Variants in KLF9 observed in about 807,000 individuals in gnomAD.
KLF9 encodes the protein KLF transcription factor 9, also known as Krueppel-like factor 9.
A neutral mutation model predicts 17.3 loss-of-function variants in KLF9; 2 were observed. The ratio of observed to expected loss-of-function variants is 0.12; its 90% confidence interval spans 0.05 to 0.36. The LOEUF is 0.36. KLF9 is among the 10% of genes least tolerant of loss of function. The pLI, the probability that KLF9 is intolerant of heterozygous loss-of-function variation, is 1.00. For synonymous variants in KLF9, 138 were observed against 139.2 expected (o/e 0.99, Z 0.06); for missense variants, 226 against 333.2 (o/e 0.68, Z 2.51).
intron 1 of KLF9, among the ~76,000 whole-genome samples, chr9:70,393,536 T>C (rs751359939): frequency 2.0e-5 from 3 of 152,164 alleles, no homozygotes; most frequent in Admixed American, 6.5e-5. Context: ...TCCTACCTGG[T>C]TCTTCTCATC....
At chr9:70,407,048 T>C (rs761810493) in intron 1 of KLF9, among the ~76,000 whole-genome samples, 6 of 151,926 alleles carry the variant, frequency 3.9e-5, no homozygotes, top group South Asian at 2.1e-4. Flanking sequence ...CTAGAGCATG[T>C]CAGATTGTTT....
chr9:70,398,344 G>A (rs768362089), intron 1 of KLF9, among the ~76,000 whole-genome samples: 14 of 152,146 alleles, frequency 9.2e-5, no homozygotes, highest in Non-Finnish European at 1.8e-4. Flanking sequence ...TCTGACATCT[G>A]TATGCAGCAC....
At chr9:70,394,121 C>A (rs181295895) in intron 1 of KLF9, among the ~76,000 whole-genome samples, 44 of 151,728 alleles carry the variant, frequency 2.9e-4, no homozygotes, top group African/African-American at 1.1e-3. Context: ...TGGTAGCTCA[C>A]GCCTGTAATC....
At chr9:70,388,152 G>A in intron 1 of KLF9, 147 bp from the exon 2 acceptor site, 1 of 681,708 alleles carries the variant, frequency 1.5e-6, no homozygotes, top group Non-Finnish European at 2.5e-6. Context: ...TCCCTATGTT[G>A]AAGCCTTAAC....
At chr9:70,410,825 C>A (rs1435182743) in intron 1 of KLF9, among the ~76,000 whole-genome samples, 3 of 152,200 alleles carry the variant, frequency 2.0e-5, no homozygotes, top group African/African-American at 4.8e-5. Context: ...TTTAAAGTAA[C>A]CTTAACACAT....
intron 1 of KLF9, among the ~76,000 whole-genome samples, chr9:70,390,376 G>A (rs1457362759): frequency 1.3e-5 from 2 of 152,100 alleles, no homozygotes; most frequent in Non-Finnish European, 1.5e-5. Flanking sequence ...TTTGATGCTC[G>A]GGGATGGGGC....
At position 70,409,198 on chromosome 9, in the gene KLF9, A is replaced by ATATATGTG. The variant is rs1205418073; in HGVS notation, c.505+3660_505+3661insCACATATA. On this transcript the variant is annotated intron_variant, in intron 1 of 1. Transcript: ENST00000377126. ...TATATATGTATACATATACATGTATATGTATATATATATACATATATGTAT... is the reference window on the plus strand; with the variant it reads ...TATATATGTATACATATACATGTATATATATGTGTGTATATATATATACATATATGTAT... 5.0e-3 allele frequency among the ~76,000 whole-genome samples: 258 copies of ATATATGTG among 51,502 alleles called. 46 individuals carry two copies. The highest frequency in any genetic ancestry group is 0.011 in the Middle Eastern group (1 of 88). 33.8% of individuals were successfully genotyped at this position (51,502 alleles called of 152,430 possible). A position where few individuals can be genotyped will look rare whatever the true frequency, so the allele number is the denominator to read the frequency against.
Position 70,413,485 on chromosome 9 carries a change from A to AG in KLF9, c.-123dup. The AG allele has an allele frequency of 9.1e-7, 1 of 1,096,876 alleles. No homozygotes were observed. Among genetic ancestry groups the AG allele is most frequent in the East Asian group, 3.6e-5 (1 of 27,638 alleles). 67.9% of individuals were successfully genotyped at this position (1,096,876 alleles called of 1,614,324 possible). A position where few individuals can be genotyped will look rare whatever the true frequency, so the allele number is the denominator to read the frequency against. ...GCGGCGCGGCACGGCGCGGCGGCCA[A>AG]GGGGGCGGGGGCGCGGGGCGCTTCC... On this transcript the variant is annotated 5_prime_UTR_variant, in exon 1 of 2. Transcript: ENST00000377126. This position sits in a 1 kb window ranked among gnomAD's most constrained non-coding sequence, Gnocchi z 5.6.
At chr9:70,397,294 G>C (rs2037187370) in intron 1 of KLF9, among the ~76,000 whole-genome samples, 1 of 152,014 alleles carries the variant, frequency 6.6e-6, no homozygotes, top group South Asian at 2.1e-4. Context: ...GGCCAACATG[G>C]TGAAACCCTG....
At chr9:70,396,939 A>T (rs910202072) in intron 1 of KLF9, among the ~76,000 whole-genome samples, 1 of 151,312 alleles carries the variant, frequency 6.6e-6, no homozygotes, top group African/African-American at 2.4e-5. Context: ...AGCACTTTGG[A>T]AGGCTGAGGA....
intron 1 of KLF9, among the ~76,000 whole-genome samples, chr9:70,400,480 G>C (rs1282355656): frequency 6.6e-6 from 1 of 152,178 alleles, no homozygotes; most frequent in Non-Finnish European, 1.5e-5. Flanking sequence ...CCGAATTAGA[G>C]AGAGAACCCT....
chr9:70,406,953 A>G (rs2037260211), intron 1 of KLF9, among the ~76,000 whole-genome samples: 1 of 151,804 alleles, frequency 6.6e-6, no homozygotes, highest in Non-Finnish European at 1.5e-5. Context: ...CAAATGCGAC[A>G]AAGCTTTTTT....
At chr9:70,398,001 A>G (rs2037193948) in intron 1 of KLF9, among the ~76,000 whole-genome samples, 1 of 152,204 alleles carries the variant, frequency 6.6e-6, no homozygotes, top group Non-Finnish European at 1.5e-5. Flanking sequence ...CATCATTTCA[A>G]TGAACACTGA....
At chr9:70,388,385 C>T (rs1458610389) in intron 1 of KLF9, among the ~76,000 whole-genome samples, 10 of 152,204 alleles carry the variant, frequency 6.6e-5, no homozygotes, top group East Asian at 1.9e-4. Context: ...GAACCCGTCC[C>T]CTGCCTCTAC....
At position 70,413,489 on chromosome 9, in the gene KLF9, G is replaced by GGCGGGGGC; in HGVS notation, c.-134_-127dup. The GGCGGGGGC allele has an allele frequency of 1.9e-6, 2 of 1,064,202 alleles. No individual in the cohort carries two copies. The highest frequency in any genetic ancestry group is 9.1e-5 in the Admixed American group (2 of 22,066). The allele number at this position is 1,064,202 out of a possible 1,614,324, so 65.9% of individuals were successfully genotyped here. ...CGCGGCACGGCGCGGCGGCCAAGGG[G>GGCGGGGGC]GCGGGGGCGCGGGGCGCTTCCGACT... is the stretch of plus-strand genomic sequence containing the variant. On this transcript the variant is annotated 5_prime_UTR_variant, in exon 1 of 2. Transcript: ENST00000377126. This position sits in a 1 kb window ranked among gnomAD's most constrained non-coding sequence, Gnocchi z 5.6.
chr9:70,397,893 A>T, intron 1 of KLF9, among the ~76,000 whole-genome samples: 1 of 152,232 alleles, frequency 6.6e-6, no homozygotes, highest in South Asian at 2.1e-4. Context: ...CTTTTTTCCC[A>T]TTCTCCATTA....
At chr9:70,401,653 C>T (rs1158057305) in intron 1 of KLF9, among the ~76,000 whole-genome samples, 1 of 127,998 alleles carries the variant, frequency 7.8e-6, no homozygotes, top group African/African-American at 3.1e-5. Flanking sequence ...CACCACTGCA[C>T]TCTAGTCTGG....
In KLF9 at chr9:70,387,373, T is replaced by C. The variant is rs2037119759; in HGVS notation, c.*403A>G. ...CAGGTCAACTCACCCAGCGGACATATGTACACCAGTGTTGAATCTTTAAAA... is the reference window on the plus strand; with the variant it reads ...CAGGTCAACTCACCCAGCGGACATACGTACACCAGTGTTGAATCTTTAAAA... On this transcript the variant is annotated 3_prime_UTR_variant, in exon 2 of 2. Coordinates refer to ENST00000377126, the MANE Select transcript of KLF9 (RefSeq NM_001206.4). 3 of 233,670 alleles carry C rather than the reference T, an allele frequency of 1.3e-5. No individual in the cohort carries two copies. The highest frequency in any genetic ancestry group is 6.4e-5 in the South Asian group (1 of 15,716). The allele number at this position is 233,670 out of a possible 1,614,324, so 14.5% of individuals were successfully genotyped here. A position where few individuals can be genotyped will look rare whatever the true frequency, so the allele number is the denominator to read the frequency against.
At position 70,386,847 on chromosome 9, in the gene KLF9, C is replaced by T. The variant is rs930841488; in HGVS notation, c.*929G>A. Reference sequence around the variant, plus strand: ...ATCTGTTGTGTATATTCTGCCCTCACATCTCTGCCATGATTTCTTAGGGAA... The same window carrying T: ...ATCTGTTGTGTATATTCTGCCCTCATATCTCTGCCATGATTTCTTAGGGAA... On this transcript the variant is annotated 3_prime_UTR_variant, in exon 2 of 2. Transcript: ENST00000377126. 5.2e-5 allele frequency: 8 copies of T among 152,546 alleles called. No homozygotes were observed. Among genetic ancestry groups the T allele is most frequent in the African/African-American group, 1.9e-4 (8 of 41,446 alleles). The allele number at this position is 152,546 out of a possible 1,614,324, so 9.4% of individuals were successfully genotyped here.
Sources: allele counts gnomAD v4.1 joint callset (sites outside exome capture counted in the v4.1 genomes callset), GRCh38; gene constraint gnomAD v4.1.1; non-coding constraint Gnocchi (gnomAD v3.1); transcripts MANE v1.5; gene names NCBI Gene and HGNC (gene_info 2026-07-23, HGNC 2026-07-21).